The following GMEB2 variants were observed in gnomAD, a reference collection of about 807,000 sequenced individuals.
GMEB2 encodes glucocorticoid modulatory element binding protein 2.
GMEB2 carries 7 observed loss-of-function variants against 45.7 expected under a neutral mutation model. The observed-to-expected ratio is 0.15, with a 90% CI of 0.09 to 0.29. The LOEUF (loss-of-function observed/expected upper bound fraction) is 0.29, where lower values mean the gene tolerates loss of function less well. Among genes scored for constraint, GMEB2 ranks in the 10% least tolerant of loss-of-function variants. The pLI, the probability that GMEB2 is intolerant of heterozygous loss-of-function variation, is 1.00. For missense variants in GMEB2, 582 were observed against 739.2 expected, an observed-to-expected ratio of 0.79 and a Z score of 2.47; for synonymous variants, 322 against 323.6, an observed-to-expected ratio of 1.00 and a Z score of 0.05.
At chr20:63,621,667 CAAAAAAAAA>C (rs56222018) in intron 1 of GMEB2, among the ~76,000 whole-genome samples, 23 of 54,606 alleles carry the variant, frequency 4.2e-4, no homozygotes, top group Middle Eastern at 0.033. Context: ...AACTCCATCT[CAAAAAAAAA>C]AAAAAAAAAA....
At chr20:63,626,746 G>GCCGCCCGCGCCCGCCA (rs1331855364) in intron 1 of GMEB2, among the ~76,000 whole-genome samples, 232 of 147,632 alleles carry the variant, frequency 1.6e-3, no homozygotes, top group African/African-American at 2.5e-3. Flanking sequence ...AGGAAGCGCC[G>GCCGCCCGCGCCCGCCA]CCGCCCGCGC....
chr20:63,602,275 C>T lies in GMEB2; in HGVS notation c.357+690G>A, dbSNP rs981106670. Among the ~76,000 whole-genome samples the T allele has an allele frequency of 2.0e-5, 3 of 152,224 alleles. No homozygotes were observed. The South Asian group carries it at 6.2e-4, about 31-fold the overall frequency. On this transcript the variant is annotated intron_variant, in intron 4 of 9. Coordinates refer to ENST00000370077, the MANE Select transcript of GMEB2 (RefSeq NM_012384.5). The stretch of plus-strand genomic sequence containing the variant: ...TGAATCCTCAAGGGGGTGTCTCCTT[C>T]CCTCTGCCAGGGACAAGAGGTATGG...
At chr20:63,613,265 G>GA (rs2089584079) in intron 2 of GMEB2, among the ~76,000 whole-genome samples, 1 of 152,016 alleles carries the variant, frequency 6.6e-6, no homozygotes, top group Non-Finnish European at 1.5e-5. Context: ...TAACATCCTA[G>GA]AAAAAAAGCT....
At chr20:63,596,354 G>A (rs745954426) in intron 5 of GMEB2, among the ~76,000 whole-genome samples, 12 of 152,218 alleles carry the variant, frequency 7.9e-5, no homozygotes, top group Non-Finnish European at 1.6e-4. Flanking sequence ...CTGCCTCTCC[G>A]GAGGTCCAGG....
chr20:63,607,326 G>A (rs549213942), intron 2 of GMEB2, among the ~76,000 whole-genome samples: 96 of 80,094 alleles, frequency 1.2e-3, no homozygotes, highest in African/African-American at 4.8e-3. Flanking sequence ...CTAGAAACAT[G>A]CCCCTCTGAC....
rs924816706 is a variant in GMEB2, at chr20:63,588,043, G to A, written c.*2046C>T. 1.3e-5 allele frequency: 2 copies of A among 152,446 alleles called. No individual in the cohort carries two copies. The highest frequency in any genetic ancestry group is 2.9e-5 in the Non-Finnish European group (2 of 68,068). 9.4% of individuals were successfully genotyped at this position (152,446 alleles called of 1,614,324 possible). A position where few individuals can be genotyped will look rare whatever the true frequency, so the allele number is the denominator to read the frequency against. The stretch of plus-strand genomic sequence containing the variant: ...AGAAGCAGCTGGGTTGGCGGTAGAT[G>A]TCCCCGAGGGCCTTGGGAAGCACTG... On this transcript the variant is annotated 3_prime_UTR_variant, in exon 10 of 10. Coordinates refer to ENST00000370077, the MANE Select transcript of GMEB2 (RefSeq NM_012384.5).
intron 1 of GMEB2, among the ~76,000 whole-genome samples, chr20:63,625,890 C>T (rs2089667850): frequency 6.6e-6 from 1 of 152,186 alleles, no homozygotes; most frequent in East Asian, 1.9e-4. Flanking sequence ...GCCATCACAC[C>T]TGGCCCAAGA....
chr20:63,597,928 T>A, intron 4 of GMEB2, 68 bp from the exon 5 acceptor site: 2 of 907,960 alleles, frequency 2.2e-6, no homozygotes, highest in South Asian at 2.6e-5. Context: ...CCATCTCCCA[T>A]CCGACCCTGA....
At chr20:63,599,794 G>A (rs190217422) in intron 4 of GMEB2, among the ~76,000 whole-genome samples, 7 of 152,238 alleles carry the variant, frequency 4.6e-5, no homozygotes, top group East Asian at 3.9e-4. Context: ...CGTGCGTTCC[G>A]GACTCACTGC....
chr20:63,589,723 G>A lies in GMEB2; in HGVS notation c.*366C>T, dbSNP rs531346776. 5.8e-5 allele frequency: 12 copies of A among 206,274 alleles called. No individual in the cohort carries two copies. Among genetic ancestry groups the A allele is most frequent in the Admixed American group, 1.8e-4 (3 of 16,698 alleles). 12.8% of individuals were successfully genotyped at this position (206,274 alleles called of 1,614,324 possible). A position where few individuals can be genotyped will look rare whatever the true frequency, so the allele number is the denominator to read the frequency against. ...CACCGCGTCCAGCACCTGCAGGGTC[G>A]CGCTCGGCACCTGGCTCTGCTTCCT... On this transcript the variant is annotated 3_prime_UTR_variant, in exon 10 of 10. Transcript: ENST00000370077.
chr20:63,604,738 C>T lies in GMEB2; in HGVS notation c.229+5G>A. 6.4e-7 allele frequency: 1 copy of T among 1,569,082 alleles called. No individual in the cohort carries two copies. The highest frequency in any genetic ancestry group is 1.1e-5 in the South Asian group (1 of 90,216). On this transcript the variant is annotated splice_donor_5th_base_variant and intron_variant, in intron 3 of 9. Transcript: ENST00000370077. ...GCAGACTTCCCACCTAGGACGGCTT[C>T]CTACCTAACACGGCTTCCTTGAGCT...
In GMEB2 at chr20:63,592,939, TG is replaced by T; in HGVS notation, c.691+71del. ...CACCTGGACTCCTGGAGCCCCTGTG[TG>T]GCCCGAGGTGGGCAGAGACTCCACC... On this transcript the variant is annotated intron_variant, in intron 7 of 9. Transcript: ENST00000370077. This position sits in a 1 kb window ranked among gnomAD's most constrained non-coding sequence, Gnocchi z 8.2. The T allele has an allele frequency of 1.0e-6, 1 of 998,428 alleles. No individual in the cohort carries two copies. Among genetic ancestry groups the T allele is most frequent in the Non-Finnish European group, 1.6e-6 (1 of 641,068 alleles). The allele number at this position is 998,428 out of a possible 1,614,324, so 61.8% of individuals were successfully genotyped here. A position where few individuals can be genotyped will look rare whatever the true frequency, so the allele number is the denominator to read the frequency against.
At chr20:63,597,938 A>C in intron 4 of GMEB2, 78 bp from the exon 5 acceptor site, 1 of 838,284 alleles carries the variant, frequency 1.2e-6, no homozygotes, top group Non-Finnish European at 2.1e-6. Flanking sequence ...TCCGACCCTG[A>C]GTCAGGCGCG....
chr20:63,611,288 T>G (rs1467291943), intron 2 of GMEB2, among the ~76,000 whole-genome samples: 3 of 152,204 alleles, frequency 2.0e-5, no homozygotes, highest in African/African-American at 7.2e-5. Flanking sequence ...AGAGGAAACC[T>G]TGGCAGGACC....
intron 2 of GMEB2, among the ~76,000 whole-genome samples, chr20:63,618,923 C>T (rs1339831712): frequency 6.6e-6 from 1 of 152,216 alleles, no homozygotes; most frequent in African/African-American, 2.4e-5. Flanking sequence ...TTCATGAAGA[C>T]TGTCAAGAAA....
chr20:63,618,033 A>G (rs962906213), intron 2 of GMEB2, among the ~76,000 whole-genome samples: 1 of 152,142 alleles, frequency 6.6e-6, no homozygotes, highest in Admixed American at 6.5e-5. Flanking sequence ...GGAGACGTGG[A>G]CACCACCCCA....
chr20:63,625,754 C>T (rs1349624033), intron 1 of GMEB2, among the ~76,000 whole-genome samples: 3 of 152,050 alleles, frequency 2.0e-5, no homozygotes, highest in Admixed American at 2.0e-4. Flanking sequence ...CACACCACCA[C>T]GCCCGGCTAA....
chr20:63,614,197 C>A (rs2089591255), intron 2 of GMEB2, among the ~76,000 whole-genome samples: 1 of 152,026 alleles, frequency 6.6e-6, no homozygotes, highest in African/African-American at 2.4e-5. Flanking sequence ...ATATGAATAT[C>A]ATTCATCATT....
intron 2 of GMEB2, among the ~76,000 whole-genome samples, chr20:63,614,890 T>G (rs943535408): frequency 6.6e-6 from 1 of 152,118 alleles, no homozygotes; most frequent in Non-Finnish European, 1.5e-5. Flanking sequence ...TCACACTCCT[T>G]ACCCTGCCGC....
Sources: allele counts gnomAD v4.1 joint callset (sites outside exome capture counted in the v4.1 genomes callset), GRCh38; gene constraint gnomAD v4.1.1; non-coding constraint Gnocchi (gnomAD v3.1); transcripts MANE v1.5; gene names NCBI Gene and HGNC (gene_info 2026-07-23, HGNC 2026-07-21).